Variants in PAH observed in about 807,000 individuals in gnomAD.
PAH encodes the protein phenylalanine hydroxylase.
PAH carries 64 observed loss-of-function variants against 62.0 expected under a neutral mutation model. That is an observed-to-expected ratio of 1.03 (90% CI 0.84 to 1.27). The LOEUF is 1.27. PAH is among the 50% of genes most tolerant of loss of function. The pLI is 0.00. For synonymous variants in PAH, 195 were observed against 196.2 expected (o/e 0.99, Z 0.05); for missense variants, 579 against 542.8 (o/e 1.07, Z -0.66).
chr12:102,860,584 T>C (rs1055491118), intron 5 of PAH, among the ~76,000 whole-genome samples: 4 of 152,160 alleles, frequency 2.6e-5, no homozygotes, highest in African/African-American at 9.7e-5. Flanking sequence ...CTTCAAACTA[T>C]ACTACAAGGC....
chr12:102,843,684 G>T lies in PAH; in HGVS notation c.1161C>A (p.Tyr387Ter), dbSNP rs149595475. Residue 387 changes from tyrosine (Y) to a stop codon, truncating the protein, a stop_gained, in exon 11 of 13, where the codon TAC becomes TAA. Transcript: ENST00000553106. LOFTEE classifies it high-confidence loss of function. Reference sequence around the variant, plus strand: ...TGGCATCATTAAAACTCTCTGCCACGTAATAGAGGGGCTGGAACTCCGTGA... The same window carrying T: ...TGGCATCATTAAAACTCTCTGCCACTTAATAGAGGGGCTGGAACTCCGTGA... ...YTVTEFQPLYYVAESFNDAKE... is the reference protein window; with the variant it reads ...YTVTEFQPLY 6.2e-7 allele frequency: 1 copy of T among 1,613,524 alleles called. No homozygotes were observed.
intron 3 of PAH, among the ~76,000 whole-genome samples, chr12:102,882,390 A>G (rs554380358): frequency 2.0e-5 from 3 of 152,130 alleles, no homozygotes; most frequent in Non-Finnish European, 4.4e-5. Flanking sequence ...GCCCAGGAAA[A>G]GTTATTACAT....
chr12:102,950,260 C>A (rs185869745), intron 1 of PAH: 2,045 of 152,376 alleles, frequency 0.013, 48 homozygotes, highest in African/African-American at 0.047. Context: ...CTGGTCCCTG[C>A]CCGTGCTGCA....
chr12:102,902,260 G>A (rs528140440), intron 2 of PAH, among the ~76,000 whole-genome samples: 2 of 152,282 alleles, frequency 1.3e-5, no homozygotes, highest in East Asian at 1.9e-4. Flanking sequence ...AGCAGGAAGC[G>A]GGGGTGTGAA....
intron 5 of PAH, among the ~76,000 whole-genome samples, chr12:102,857,350 G>C (rs1373178991): frequency 6.6e-6 from 1 of 152,202 alleles, no homozygotes; most frequent in Non-Finnish European, 1.5e-5. Context: ...CATCTGATCG[G>C]TGTACCTGAA....
Position 102,936,559 on chromosome 12 carries a change from C to G in PAH, c.-96+14030G>C, listed in dbSNP as rs1455145458. Among the ~76,000 whole-genome samples, 3 of 152,102 alleles carry G rather than the reference C, an allele frequency of 2.0e-5. No individual in the cohort carries two copies. In the East Asian group the frequency reaches 5.8e-4, roughly 29 times the overall value. On this transcript the variant is annotated intron_variant, in intron 1 of 3. Coordinates refer to the PAH transcript ENST00000546844. Reference sequence around the variant, plus strand: ...AATATTTGCTTTGTATATCTGGGTACTCCATCATTGGATGCATATATATTT... The same window carrying G: ...AATATTTGCTTTGTATATCTGGGTAGTCCATCATTGGATGCATATATATTT...
At position 102,882,206 on chromosome 12, in the gene PAH, G is replaced by A. The variant is rs571212248; in HGVS notation, c.353-4656C>T. ...TAGACCCCAGAGGGAAGACCCTGGTGACTTGAAATTGCCTTGGCATGGCTC... is the reference window on the plus strand; with the variant it reads ...TAGACCCCAGAGGGAAGACCCTGGTAACTTGAAATTGCCTTGGCATGGCTC... On this transcript the variant is annotated intron_variant, in intron 3 of 12. Coordinates refer to ENST00000553106, the MANE Select transcript of PAH (RefSeq NM_000277.3). 2.8e-3 allele frequency among the ~76,000 whole-genome samples: 425 copies of A among 152,276 alleles called. 2 individuals carry two copies. The highest frequency in any genetic ancestry group is 8.6e-3 in the African/African-American group (356 of 41,552).
At chr12:102,894,387 G>C (rs979887157) in intron 3 of PAH, among the ~76,000 whole-genome samples, 1 of 137,316 alleles carries the variant, frequency 7.3e-6, no homozygotes, top group African/African-American at 2.7e-5. Flanking sequence ...AGAAAAAAGA[G>C]AGAGAAAAAT....
In PAH at chr12:102,894,808, G is replaced by A; in HGVS notation, c.279C>T (p.Asn93=). 6.2e-7 allele frequency: 1 copy of A among 1,614,022 alleles called. No homozygotes were observed. The highest frequency in any genetic ancestry group is 8.5e-7 in the Non-Finnish European group (1 of 1,179,946). ...TGTCATGCCTCAAGATCTTGATGAT[G>A]TTTGTCAGAGCAGGCAGGCTACGTT... ...LDKRSLPALT[N]IIKILRHDIG... The change falls in exon 3 of 13, where the codon AAC becomes AAT. Residue 93 remains asparagine (N), a synonymous_variant. Transcript: ENST00000553106.
intron 4 of PAH, among the ~76,000 whole-genome samples, chr12:102,872,194 T>C (rs1396109506): frequency 6.6e-6 from 1 of 152,100 alleles, no homozygotes; most frequent in Non-Finnish European, 1.5e-5. Flanking sequence ...TTCTGCCTAG[T>C]AGAAAGGTTA....
At chr12:102,879,992 C>T (rs1876749039) in intron 3 of PAH, among the ~76,000 whole-genome samples, 1 of 152,194 alleles carries the variant, frequency 6.6e-6, no homozygotes, top group Non-Finnish European at 1.5e-5. Context: ...TTCACATATG[C>T]TACCCCCTTC....
rs1879939100 is a variant in PAH at position 102,957,076 on chromosome 12, T to G, written c.-96+1119A>C. Among the ~76,000 whole-genome samples, 1 of 152,146 alleles carries G rather than the reference T, an allele frequency of 6.6e-6. No individual in the cohort carries two copies. Among genetic ancestry groups the G allele is most frequent in the African/African-American group, 2.4e-5 (1 of 41,434 alleles). On this transcript the variant is annotated intron_variant, in intron 1 of 4. Coordinates refer to the PAH transcript ENST00000551337. The surrounding 1 kb of genome is among the most constrained non-coding windows in gnomAD (Gnocchi z 4.1). ...GGAGTCCCTCCCCCAACCATGTTTC[T>G]AAACTTCAATCGTAATTTGCTCCAA... is the stretch of plus-strand genomic sequence containing the variant.
At chr12:102,913,995 GA>G in intron 1 of PAH, 1 of 615,234 alleles carries the variant, frequency 1.6e-6, no homozygotes, top group Non-Finnish European at 2.9e-6. Flanking sequence ...GAAATTAATG[GA>G]ATAGATGTTA....
chr12:102,870,759 T>G (rs988988713), intron 4 of PAH, among the ~76,000 whole-genome samples: 15 of 152,196 alleles, frequency 9.9e-5, no homozygotes, highest in Non-Finnish European at 2.2e-4. Context: ...AGGTTCAAAC[T>G]GGCATTTATT....
At chr12:102,920,792 T>C (rs192795067), upstream of PAH, among the ~76,000 whole-genome samples, 279 of 152,362 alleles carry the variant, frequency 1.8e-3, 2 homozygotes, top group African/African-American at 6.2e-3. Flanking sequence ...ATAGATTTCA[T>C]AGTTTCTTTT....
chr12:102,854,922 G>A (rs911900096), intron 6 of PAH: 15 of 628,898 alleles, frequency 2.4e-5, no homozygotes, highest in Non-Finnish European at 3.8e-5. Flanking sequence ...AGCCTCAGGT[G>A]TTTGATTGAA....
chr12:102,870,628 C>T (rs1013837087), intron 4 of PAH, among the ~76,000 whole-genome samples: 1 of 152,162 alleles, frequency 6.6e-6, no homozygotes, highest in Non-Finnish European at 1.5e-5. Flanking sequence ...GCTTTTAAAC[C>T]AACATCTACA....
upstream of PAH, among the ~76,000 whole-genome samples, chr12:102,919,374 C>T (rs562967222): frequency 2.1e-4 from 32 of 152,252 alleles, no homozygotes; most frequent in African/African-American, 7.7e-4. Flanking sequence ...TACAGGCATG[C>T]AATGTGTAAT....
chr12:102,913,783 T>G (rs1245063523), intron 1 of PAH: 2 of 701,342 alleles, frequency 2.9e-6, no homozygotes, highest in African/African-American at 3.5e-5. Flanking sequence ...TCAAAGAATG[T>G]CCAGGATCTA....
Sources: gnomAD v4.1 joint callset for allele counts (sites outside exome capture counted in the v4.1 genomes callset) on GRCh38, gnomAD v4.1.1 for gene constraint, Gnocchi (gnomAD v3.1) non-coding constraint, MANE v1.5 for transcripts, NCBI Gene and HGNC (gene_info 2026-07-23, HGNC 2026-07-21) for gene names.